The following PIEZO2 variants were observed in gnomAD, a reference collection of about 807,000 sequenced individuals.
PIEZO2 encodes piezo type mechanosensitive ion channel component 2.
A neutral mutation model predicts 337.3 loss-of-function variants in PIEZO2; 172 were observed. The observed-to-expected ratio is 0.51, with a 90% CI of 0.45 to 0.58. The LOEUF (loss-of-function observed/expected upper bound fraction) is 0.58. PIEZO2 is among the 20% of genes least tolerant of loss of function. PIEZO2 has a pLI of 0.00. For synonymous variants in PIEZO2, 1,251 were observed against 1,228.5 expected (o/e 1.02, Z -0.38); for missense variants, 3,028 against 3,391.3 (o/e 0.89, Z 2.66).
In PIEZO2 at chr18:10,691,768, A is replaced by AACACACACACACACAC. The variant is rs1339141004; in HGVS notation, c.7191-386_7191-385insGTGTGTGTGTGTGTGT. On this transcript the variant is annotated intron_variant, in intron 47 of 55. Coordinates refer to ENST00000674853, the MANE Select transcript of PIEZO2 (RefSeq NM_001378183.1). Reference sequence around the variant, plus strand: ...ATATGATATATTAAAAATATATATAAACACACACACACACATATATATATA... The same window carrying AACACACACACACACAC: ...ATATGATATATTAAAAATATATATAAACACACACACACACACACACACACACACACATATATATATA... Among the ~76,000 whole-genome samples the AACACACACACACACAC allele has an allele frequency of 2.0e-4, 15 of 75,232 alleles. 2 individuals carry two copies. The highest frequency in any genetic ancestry group is 5.8e-4 in the South Asian group (1 of 1,724). The allele number at this position is 75,232 out of a possible 152,430, so 49.4% of individuals were successfully genotyped here.
chr18:11,041,994 G>A (rs944624410), intron 2 of PIEZO2, among the ~76,000 whole-genome samples: 1 of 152,180 alleles, frequency 6.6e-6, no homozygotes, highest in Admixed American at 6.5e-5. Context: ...TGGTTGGCTA[G>A]CGTCTTCTAT....
At position 10,855,450 on chromosome 18, in the gene PIEZO2, G is replaced by A. The variant is rs2041677360; in HGVS notation, c.820C>T (p.Leu274=). The part of the protein sequence containing the change: ...DPLLFSCLCV[L]LAIFTAGHLI... ...TGTCCAGCAGTGAAAATAGCCAGCA[G>A]AACACAGAGACAGCTGAACAGCAAT... is the stretch of plus-strand genomic sequence containing the variant. The change falls in exon 7 of 56, where the codon CTG becomes TTG. Residue 274 remains leucine (L), a synonymous_variant. Transcript: ENST00000674853. This position sits in a 1 kb window ranked among gnomAD's most constrained non-coding sequence, Gnocchi z 4.9. 2.0e-6 allele frequency: 3 copies of A among 1,537,026 alleles called. No homozygotes were observed. Among genetic ancestry groups the A allele is most frequent in the Non-Finnish European group, 8.7e-7 (1 of 1,146,874 alleles).
intron 2 of PIEZO2, among the ~76,000 whole-genome samples, chr18:11,055,321 G>C (rs2037690092): frequency 6.6e-6 from 1 of 152,162 alleles, no homozygotes; most frequent in Non-Finnish European, 1.5e-5. Context: ...CTGAGTGGCA[G>C]GGTGTGCAAC....
At position 10,819,555 on chromosome 18, in the gene PIEZO2, C is replaced by CTT. The variant is rs2040461926; in HGVS notation, c.918-12282_918-12281insAA. On this transcript the variant is annotated intron_variant, in intron 7 of 55. Transcript: ENST00000674853. The surrounding 1 kb of genome is among the most constrained non-coding windows in gnomAD (Gnocchi z 4.3). ...TATCAATGTCGAACATGTCACTTAACAAAAAATCCAAAGATGAGCAGTTCC... is the reference window on the plus strand; with the variant it reads ...TATCAATGTCGAACATGTCACTTAACTTAAAAAATCCAAAGATGAGCAGTTCC... Among the ~76,000 whole-genome samples the CTT allele has an allele frequency of 4.6e-5, 7 of 152,092 alleles. No homozygotes were observed. The highest frequency in any genetic ancestry group is 1.7e-4 in the African/African-American group (7 of 41,422).
chr18:10,897,235 G>A (rs1473090178), intron 4 of PIEZO2, among the ~76,000 whole-genome samples: 2 of 151,558 alleles, frequency 1.3e-5, no homozygotes. Flanking sequence ...CTCCCAGGCT[G>A]AAGTGCAGTG....
chr18:10,682,368 C>A lies in PIEZO2; in HGVS notation c.7498-76G>T. On this transcript the variant is annotated intron_variant, in intron 49 of 55. Transcript: ENST00000674853. The surrounding 1 kb of genome is among the most constrained non-coding windows in gnomAD (Gnocchi z 5.6). Reference sequence around the variant, plus strand: ...CGCAGGCAGCGGGATTGGGGGAGAGCGAGTGCTCTTCCTGTGGTGCTGGGA... The same window carrying A: ...CGCAGGCAGCGGGATTGGGGGAGAGAGAGTGCTCTTCCTGTGGTGCTGGGA... The A allele has an allele frequency of 5.4e-6, 7 of 1,298,480 alleles. No individual in the cohort carries two copies. Among genetic ancestry groups the A allele is most frequent in the South Asian group, 1.4e-5 (1 of 69,586 alleles). The allele number at this position is 1,298,480 out of a possible 1,614,324, so 80.4% of individuals were successfully genotyped here. A position where few individuals can be genotyped will look rare whatever the true frequency, so the allele number is the denominator to read the frequency against.
chr18:10,680,148 A>G (rs747068420), intron 52 of PIEZO2, 51 bp downstream of exon 52: 17 of 1,478,890 alleles, frequency 1.1e-5, no homozygotes, highest in Non-Finnish European at 1.6e-5. Context: ...CCCCAACTCC[A>G]TGTTTAGACT....
In PIEZO2 at chr18:10,698,916, G is replaced by A. The variant is rs181261032; in HGVS notation, c.6694+9C>T. The A allele has an allele frequency of 1.1e-4, 165 of 1,536,014 alleles. No individual in the cohort carries two copies. In the East Asian group the frequency reaches 1.1e-3, roughly 10 times the overall value. ...AACTACAGCCTAGATATATTGTGTC[G>A]ACAGATACCTCTTTGGGATCTGTTT... On this transcript the variant is annotated intron_variant, in intron 44 of 55. Coordinates refer to ENST00000674853, the MANE Select transcript of PIEZO2 (RefSeq NM_001378183.1).
chr18:10,759,404 TA>T lies in PIEZO2; in HGVS notation c.3757+77del. 8.1e-7 allele frequency: 1 copy of T among 1,230,802 alleles called. No homozygotes were observed. Among genetic ancestry groups the T allele is most frequent in the Non-Finnish European group, 1.1e-6 (1 of 873,162 alleles). The allele number at this position is 1,230,802 out of a possible 1,614,324, so 76.2% of individuals were successfully genotyped here. ...AAGTCTAGTGGAAGACAAAAGGCAC[TA>T]ATGCATAGCACGTGAACAATGATTA... On this transcript the variant is annotated intron_variant, in intron 26 of 55. Coordinates refer to ENST00000674853, the MANE Select transcript of PIEZO2 (RefSeq NM_001378183.1). The surrounding 1 kb of genome is among the most constrained non-coding windows in gnomAD (Gnocchi z 5.5).
chr18:11,060,720 C>T (rs1026773138), intron 2 of PIEZO2, among the ~76,000 whole-genome samples: 4 of 152,188 alleles, frequency 2.6e-5, no homozygotes, highest in Non-Finnish European at 5.9e-5. Context: ...GAAGCTGAAT[C>T]TCTGAATAGA....
chr18:11,128,951 C>T lies in PIEZO2; in HGVS notation c.64+19574G>A, dbSNP rs1169162529. ...TTGATTTGGGTCCACTAAGTAAGGA[C>T]TCAGTGTTTAATGTTGCAGATCAGG... On this transcript the variant is annotated intron_variant, in intron 1 of 55. Coordinates refer to ENST00000674853, the MANE Select transcript of PIEZO2 (RefSeq NM_001378183.1). This position sits in a 1 kb window ranked among gnomAD's most constrained non-coding sequence, Gnocchi z 4.1. Among the ~76,000 whole-genome samples, 1 of 152,128 alleles carries T rather than the reference C, an allele frequency of 6.6e-6. No individual in the cohort carries two copies. The highest frequency in any genetic ancestry group is 2.4e-5 in the African/African-American group (1 of 41,438).
chr18:10,897,979 C>A (rs1187975757), intron 4 of PIEZO2, among the ~76,000 whole-genome samples: 1 of 152,188 alleles, frequency 6.6e-6, no homozygotes, highest in East Asian at 1.9e-4. Context: ...TCAAGTCCTT[C>A]TTGGTTATGC....
intron 33 of PIEZO2, among the ~76,000 whole-genome samples, chr18:10,737,224 T>C (rs1434245443): frequency 6.6e-6 from 1 of 150,594 alleles, no homozygotes; most frequent in Non-Finnish European, 1.5e-5. Flanking sequence ...CACTTTACAC[T>C]GTGCAGACCT....
rs967656239 is a variant in PIEZO2, at chr18:10,819,623, A to G, written c.918-12349T>C. 2.0e-5 allele frequency among the ~76,000 whole-genome samples: 3 copies of G among 152,196 alleles called. No individual in the cohort carries two copies. Among genetic ancestry groups the G allele is most frequent in the African/African-American group, 4.8e-5 (2 of 41,446 alleles). ...GCACAATTACACAGGTGTTTTCTCA[A>G]TGTTGTTCTCAATGCATCATCGGTG... On this transcript the variant is annotated intron_variant, in intron 7 of 55. Transcript: ENST00000674853. This position sits in a 1 kb window ranked among gnomAD's most constrained non-coding sequence, Gnocchi z 4.3.
At chr18:10,842,255 AT>A (rs1393451797) in intron 7 of PIEZO2, among the ~76,000 whole-genome samples, 9 of 152,066 alleles carry the variant, frequency 5.9e-5, no homozygotes, top group Admixed American at 5.9e-4. Flanking sequence ...CACCAACCTA[AT>A]ATACATGAAT....
chr18:11,023,999 C>T (rs1010898647), intron 2 of PIEZO2, among the ~76,000 whole-genome samples: 21 of 152,306 alleles, frequency 1.4e-4, no homozygotes, highest in African/African-American at 4.3e-4. Context: ...AAGCCCCACG[C>T]GCAGCCCCAG....
At chr18:10,852,067 T>C (rs1053117032) in intron 7 of PIEZO2, among the ~76,000 whole-genome samples, 3 of 152,196 alleles carry the variant, frequency 2.0e-5, no homozygotes, top group African/African-American at 4.8e-5. Flanking sequence ...TACAAAACTT[T>C]TTGCTATATG....
rs1035931549 is a variant in PIEZO2 at position 10,988,977 on chromosome 18, G to C, written c.161-9317C>G. 6.6e-6 allele frequency among the ~76,000 whole-genome samples: 1 copy of C among 152,046 alleles called. No individual in the cohort carries two copies. Among genetic ancestry groups the C allele is most frequent in the Non-Finnish European group, 1.5e-5 (1 of 67,982 alleles). On this transcript the variant is annotated intron_variant, in intron 2 of 55. Coordinates refer to ENST00000674853, the MANE Select transcript of PIEZO2 (RefSeq NM_001378183.1). The surrounding 1 kb of genome is among the most constrained non-coding windows in gnomAD (Gnocchi z 4.8). Reference sequence around the variant, plus strand: ...AATTGTCAAAAGGTACAAAGTTTCAGTTATGCAAGATAAAGAAGTTCTGAA... The same window carrying C: ...AATTGTCAAAAGGTACAAAGTTTCACTTATGCAAGATAAAGAAGTTCTGAA...
chr18:10,911,416 C>T (rs1473878613), intron 3 of PIEZO2, among the ~76,000 whole-genome samples, 188 bp from the exon 4 acceptor site: 1 of 141,208 alleles, frequency 7.1e-6, no homozygotes, highest in African/African-American at 2.6e-5. Context: ...AATAAAAAGT[C>T]CGCATATACA....
Sources: gnomAD v4.1 joint callset for allele counts (sites outside exome capture counted in the v4.1 genomes callset) on GRCh38, gnomAD v4.1.1 for gene constraint, Gnocchi (gnomAD v3.1) non-coding constraint, MANE v1.5 for transcripts, NCBI Gene and HGNC (gene_info 2026-07-23, HGNC 2026-07-21) for gene names.